EPHB1: variants seen among roughly 807,000 people sequenced by gnomAD.
EPHB1 encodes the protein EPH receptor B1.
A neutral mutation model predicts 94.4 loss-of-function variants in EPHB1; 30 were observed. That is an observed-to-expected ratio of 0.32 (90% CI 0.24 to 0.43). EPHB1 has a LOEUF of 0.43. Among genes scored for constraint, EPHB1 ranks in the 20% least tolerant of loss-of-function variants. The probability of loss-of-function intolerance (pLI) is 1.00; values close to 1 mark genes in which losing one functional copy is unlikely to be tolerated. For missense variants in EPHB1, 1,055 were observed against 1,308.3 expected (o/e 0.81, Z 2.99); for synonymous variants, 522 against 489.1 (o/e 1.07, Z -0.89).
intron 1 of EPHB1, among the ~76,000 whole-genome samples, chr3:134,875,215 T>G (rs1353328273): frequency 6.6e-6 from 1 of 152,206 alleles, no homozygotes; most frequent in Admixed American, 6.5e-5. Context: ...CATGTGGCTG[T>G]GCTGGTTGGA....
intron 12 of EPHB1, among the ~76,000 whole-genome samples, chr3:135,208,110 T>G (rs1377867061): frequency 6.6e-6 from 1 of 152,128 alleles, no homozygotes; most frequent in African/African-American, 2.4e-5. Flanking sequence ...AGGCAGCATA[T>G]ACAAAGGCCC....
intron 1 of EPHB1, among the ~76,000 whole-genome samples, chr3:134,855,019 CAT>C (rs1434107692): frequency 3.3e-5 from 5 of 152,186 alleles, no homozygotes; most frequent in African/African-American, 1.2e-4. Flanking sequence ...GCACAACACA[CAT>C]ATGTGGGCAT....
chr3:135,006,596 G>A (rs991598865), intron 3 of EPHB1, among the ~76,000 whole-genome samples: 4 of 152,244 alleles, frequency 2.6e-5, no homozygotes, highest in Non-Finnish European at 5.9e-5. Context: ...TTGGGAGGCT[G>A]AGAGAGGAAG....
chr3:134,979,401 C>G (rs1353904665), intron 3 of EPHB1, among the ~76,000 whole-genome samples: 1 of 152,146 alleles, frequency 6.6e-6, no homozygotes. Context: ...CAAGGATGTG[C>G]CTGTGTATGT....
chr3:134,931,423 T>C (rs1337283927), intron 2 of EPHB1, among the ~76,000 whole-genome samples: 5 of 152,266 alleles, frequency 3.3e-5, no homozygotes, highest in Non-Finnish European at 5.9e-5. Flanking sequence ...CATTGGCCTC[T>C]GTGTGTGTAA....
chr3:135,090,323 T>C (rs1028684952), intron 3 of EPHB1, among the ~76,000 whole-genome samples: 1 of 152,206 alleles, frequency 6.6e-6, no homozygotes, highest in Non-Finnish European at 1.5e-5. Flanking sequence ...GTTGGTGAGG[T>C]CCTGAGCAAA....
chr3:135,030,932 A>G (rs959715839), intron 3 of EPHB1, among the ~76,000 whole-genome samples: 2 of 152,072 alleles, frequency 1.3e-5, no homozygotes, highest in African/African-American at 2.4e-5. Flanking sequence ...GTGGTGCGCC[A>G]TTTTTTAAGC....
At chr3:134,960,626 C>T (rs528855314) in intron 3 of EPHB1, among the ~76,000 whole-genome samples, 3 of 152,202 alleles carry the variant, frequency 2.0e-5, no homozygotes, top group South Asian at 2.1e-4. Context: ...CAAGTGTGTT[C>T]GACTCATCCT....
chr3:135,166,044 G>A lies in EPHB1; in HGVS notation c.1662G>A (p.Val554=), dbSNP rs1382116081. ...GSAAAGVVFV[V]SLVAISIVCS... ...CAGCGGCCGGGGTCGTGTTCGTTGTGTCCTTGGTGGCCATCTCTATCGTCT... is the reference window on the plus strand; with the variant it reads ...CAGCGGCCGGGGTCGTGTTCGTTGTATCCTTGGTGGCCATCTCTATCGTCT... Residue 554 remains valine, a synonymous_variant, in exon 8 of 16, where the codon GTG becomes GTA. Coordinates refer to ENST00000398015, the MANE Select transcript of EPHB1 (RefSeq NM_004441.5). The A allele has an allele frequency of 6.2e-7, 1 of 1,613,870 alleles. No individual in the cohort carries two copies.
chr3:135,106,557 C>G lies in EPHB1; in HGVS notation c.915C>G (p.Thr305=), dbSNP rs371516686. 2 of 1,614,016 alleles carry G rather than the reference C, an allele frequency of 1.2e-6. No individual in the cohort carries two copies. The highest frequency in any genetic ancestry group is 3.3e-5 in the Admixed American group (2 of 60,032). The change falls in exon 4 of 16, where the codon ACC becomes ACG. Residue 305 remains threonine (T), a synonymous_variant. Transcript: ENST00000398015. ...AEASPICTCR[T]GYYRADFDPP... is the part of the protein sequence containing the mutation. ...CGTCTCCCATCTGCACCTGTCGGACCGGTTATTACCGAGCGGACTTTGACC... is the reference window on the plus strand; with the variant it reads ...CGTCTCCCATCTGCACCTGTCGGACGGGTTATTACCGAGCGGACTTTGACC...
intron 12 of EPHB1, 105 bp from the exon 13 acceptor site, chr3:135,241,043 A>T: frequency 7.6e-7 from 1 of 1,322,314 alleles, no homozygotes. Flanking sequence ...AATTCACAAG[A>T]TATGGGAGTG....
chr3:134,805,220 G>C (rs770107749), intron 1 of EPHB1, among the ~76,000 whole-genome samples: 1 of 152,158 alleles, frequency 6.6e-6, no homozygotes, highest in Non-Finnish European at 1.5e-5. Flanking sequence ...GGGGGCCGTT[G>C]TCACAGGACC....
At chr3:135,163,373 T>A (rs920806871) in intron 7 of EPHB1, among the ~76,000 whole-genome samples, 39 of 152,188 alleles carry the variant, frequency 2.6e-4, no homozygotes, top group African/African-American at 9.4e-4. Context: ...ATCTCTAACC[T>A]GGATACTTTG....
intron 2 of EPHB1, among the ~76,000 whole-genome samples, chr3:134,948,194 G>C (rs1470874786): frequency 6.6e-6 from 1 of 152,028 alleles, no homozygotes; most frequent in Non-Finnish European, 1.5e-5. Flanking sequence ...AAGAACTCTG[G>C]CTGTGACCAG....
chr3:135,109,008 A>C (rs761217197), intron 4 of EPHB1, among the ~76,000 whole-genome samples: 1 of 152,156 alleles, frequency 6.6e-6, no homozygotes, highest in Non-Finnish European at 1.5e-5. Context: ...GGAGGGAACA[A>C]GGGGAAGGTG....
Position 134,795,402 on chromosome 3 carries a change from C to T in EPHB1, c.-230C>T, listed in dbSNP as rs1375775722. ...CACGCACGCACACACCCACCTCTCC[C>T]ATAAACACACACACACACATGCACA... On this transcript the variant is annotated 5_prime_UTR_variant, in exon 1 of 16. Coordinates refer to ENST00000398015, the MANE Select transcript of EPHB1 (RefSeq NM_004441.5). 3.7e-6 allele frequency: 2 copies of T among 543,304 alleles called. No individual in the cohort carries two copies. The highest frequency in any genetic ancestry group is 3.4e-5 in the East Asian group (1 of 29,512). 33.7% of individuals were successfully genotyped at this position (543,304 alleles called of 1,614,324 possible). A position where few individuals can be genotyped will look rare whatever the true frequency, so the allele number is the denominator to read the frequency against.
chr3:135,043,384 G>A lies in EPHB1; in HGVS notation c.806-63064G>A, dbSNP rs868772211. On this transcript the variant is annotated intron_variant, in intron 3 of 15. Coordinates refer to ENST00000398015, the MANE Select transcript of EPHB1 (RefSeq NM_004441.5). ...AAAGCCAGGTTCAGGCTTAATCAAC[G>A]CTGGAATTGGGGTCTCCATCATTCC... 5.9e-5 allele frequency among the ~76,000 whole-genome samples: 9 copies of A among 152,170 alleles called. No homozygotes were observed. In the Middle Eastern group the frequency reaches 0.017, roughly 288 times the overall value.
chr3:135,208,290 C>CGTGTGTGT lies in EPHB1; in HGVS notation c.2346+6644_2346+6651dup, dbSNP rs55947191. On this transcript the variant is annotated intron_variant, in intron 12 of 15. Coordinates refer to ENST00000398015, the MANE Select transcript of EPHB1 (RefSeq NM_004441.5). ...TAGAGCAATGGGAAACCTTTCATGA[C>CGTGTGTGT]GTGTGTGTGTGTGTGTGTGTGTGTG... Among the ~76,000 whole-genome samples, 1,030 of 142,738 alleles carry CGTGTGTGT rather than the reference C, an allele frequency of 7.2e-3. 10 individuals carry two copies. The highest frequency in any genetic ancestry group is 0.043 in the East Asian group (210 of 4,880). 93.6% of individuals were successfully genotyped at this position (142,738 alleles called of 152,430 possible).
intron 12 of EPHB1, among the ~76,000 whole-genome samples, chr3:135,233,861 T>C (rs1943589083): frequency 6.6e-6 from 1 of 152,166 alleles, no homozygotes; most frequent in African/African-American, 2.4e-5. Context: ...TCTGAAGCAA[T>C]GGCCTGAGCT....
Sources: allele counts gnomAD v4.1 joint callset (sites outside exome capture counted in the v4.1 genomes callset), GRCh38; gene constraint gnomAD v4.1.1; transcripts MANE v1.5; gene names NCBI Gene and HGNC (gene_info 2026-07-23, HGNC 2026-07-21).